The following EMCN variants were observed in gnomAD, a reference collection of about 807,000 sequenced individuals.
EMCN encodes MUC-14.
A neutral mutation model predicts 38.4 loss-of-function variants in EMCN; 37 were observed. That is an observed-to-expected ratio of 0.96 (90% CI 0.74 to 1.27). The LOEUF (loss-of-function observed/expected upper bound fraction) is 1.27, where lower values mean the gene tolerates loss of function less well. Among genes scored for constraint, EMCN ranks in the 50% most tolerant of loss-of-function variants. The pLI, the probability that EMCN is intolerant of heterozygous loss-of-function variation, is 0.00. For synonymous variants in EMCN, 95 were observed against 100.8 expected (o/e 0.94, Z 0.35); for missense variants, 318 against 302.8 (o/e 1.05, Z -0.37).
chr4:100,446,039 A>G (rs1223034751), intron 5 of EMCN: 2 of 983,482 alleles, frequency 2.0e-6, no homozygotes, highest in Non-Finnish European at 2.4e-6. Flanking sequence ...ATTTATTTAA[A>G]CAAAATGAAG....
At chr4:100,446,430 A>T (rs1396273265) in intron 5 of EMCN, among the ~76,000 whole-genome samples, 2 of 152,146 alleles carry the variant, frequency 1.3e-5, no homozygotes, top group Non-Finnish European at 2.9e-5. Flanking sequence ...TGAACACAAG[A>T]GGTAGAAGTT....
At chr4:100,471,380 C>T (rs1046941340) in intron 3 of EMCN, among the ~76,000 whole-genome samples, 1 of 151,678 alleles carries the variant, frequency 6.6e-6, no homozygotes, top group African/African-American at 2.4e-5. Flanking sequence ...TCACTAACTA[C>T]AAAAACTGAG....
At chr4:100,473,373 GTTTTTTTTTTTT>G (rs1235846597) in intron 3 of EMCN, among the ~76,000 whole-genome samples, 1 of 65,984 alleles carries the variant, frequency 1.5e-5, no homozygotes, top group African/African-American at 4.6e-5. Context: ...GTGTTTTTTT[GTTTTTTTTTTTT>G]GTTTTTTTTT....
chr4:100,432,073 C>T (rs1727219547), intron 5 of EMCN, among the ~76,000 whole-genome samples: 1 of 152,074 alleles, frequency 6.6e-6, no homozygotes, highest in Admixed American at 6.6e-5. Flanking sequence ...TCCATGATTG[C>T]TTAAAATTGT....
At chr4:100,479,858 T>C (rs34509011) in intron 2 of EMCN, 59 bp downstream of exon 2, 43,461 of 1,409,574 alleles carry the variant, frequency 0.031, 779 homozygotes, top group Non-Finnish European at 0.037. Flanking sequence ...CTGATGTATA[T>C]ACATACTACT....
chr4:100,445,637 C>T (rs1221031823), intron 5 of EMCN, among the ~76,000 whole-genome samples: 2 of 152,036 alleles, frequency 1.3e-5, no homozygotes, highest in East Asian at 1.9e-4. Context: ...TGCCTTTAAT[C>T]GCATGGATGA....
In EMCN at chr4:100,487,358, A is replaced by T. The variant is rs1486172311; in HGVS notation, c.65-7319T>A. ...CAATCAAGTCTCTTGGATCCATCTC[A>T]TGACTTCAGACAAGGGATCACTTTG... On this transcript the variant is annotated intron_variant, in intron 1 of 11. Transcript: ENST00000296420. Among the ~76,000 whole-genome samples, 6 of 152,110 alleles carry T rather than the reference A, an allele frequency of 3.9e-5. No homozygotes were observed. In the East Asian group the frequency reaches 1.2e-3, roughly 29 times the overall value.
chr4:100,489,889 T>G (rs1391877773), intron 1 of EMCN, among the ~76,000 whole-genome samples: 1 of 152,214 alleles, frequency 6.6e-6, no homozygotes, highest in African/African-American at 2.4e-5. Flanking sequence ...CGTTGGATAC[T>G]GAAACACAAC....
At chr4:100,453,468 T>C (rs1413451508) in intron 4 of EMCN, among the ~76,000 whole-genome samples, 1 of 152,040 alleles carries the variant, frequency 6.6e-6, no homozygotes, top group African/African-American at 2.4e-5. Context: ...AAAACCACAA[T>C]GAGATACCAT....
At chr4:100,504,700 C>T (rs532583732) in intron 1 of EMCN, among the ~76,000 whole-genome samples, 2 of 152,218 alleles carry the variant, frequency 1.3e-5, no homozygotes, top group African/African-American at 4.8e-5. Flanking sequence ...TCTGGGAAGA[C>T]GCCTTTTGCC....
At chr4:100,506,095 T>C (rs1413187903) in intron 1 of EMCN, among the ~76,000 whole-genome samples, 2 of 152,230 alleles carry the variant, frequency 1.3e-5, no homozygotes, top group Non-Finnish European at 2.9e-5. Context: ...TCTATGTTTT[T>C]TAAATCATTT....
intron 5 of EMCN, among the ~76,000 whole-genome samples, chr4:100,434,805 G>T (rs1230831752): frequency 6.6e-6 from 1 of 152,086 alleles, no homozygotes; most frequent in Non-Finnish European, 1.5e-5. Context: ...TGCAGAAAAG[G>T]CCTTCAATAA....
intron 1 of EMCN, among the ~76,000 whole-genome samples, chr4:100,494,633 C>G (rs528758951): frequency 6.6e-6 from 1 of 152,114 alleles, no homozygotes; most frequent in South Asian, 2.1e-4. Context: ...CAGATGAGGA[C>G]AGAAATGATA....
intron 1 of EMCN, among the ~76,000 whole-genome samples, chr4:100,514,023 A>G (rs1466298051): frequency 6.6e-6 from 1 of 152,130 alleles, no homozygotes; most frequent in East Asian, 1.9e-4. Flanking sequence ...GAAGAAGGAT[A>G]AATTGCTTCT....
chr4:100,464,344 T>C (rs779621064), intron 4 of EMCN, among the ~76,000 whole-genome samples: 1 of 152,008 alleles, frequency 6.6e-6, no homozygotes, highest in East Asian at 1.9e-4. Context: ...TAATAAAAAA[T>C]GCTTTATTTC....
chr4:100,479,488 A>T (rs887182784), intron 2 of EMCN, among the ~76,000 whole-genome samples: 10 of 152,148 alleles, frequency 6.6e-5, no homozygotes, highest in African/African-American at 2.4e-4. Flanking sequence ...TTACATTGCT[A>T]CTGAAACCTA....
At position 100,396,771 on chromosome 4, in the gene EMCN, ATT is replaced by A. The variant is rs112212346; in HGVS notation, c.*1640_*1641del. The A allele has an allele frequency of 1.5e-3, 217 of 144,008 alleles. 1 individual carries two copies. Among genetic ancestry groups the A allele is most frequent in the African/African-American group, 5.1e-3 (204 of 39,678 alleles). 8.9% of individuals were successfully genotyped at this position (144,008 alleles called of 1,614,324 possible). ...TTGGCCAGGCTAGTCTCAAACTCAGATTTTTTTTTTTTCTGAAGACAAATGCT... is the reference window on the plus strand; with the variant it reads ...TTGGCCAGGCTAGTCTCAAACTCAGATTTTTTTTTTCTGAAGACAAATGCT... On this transcript the variant is annotated 3_prime_UTR_variant, in exon 12 of 12. Transcript: ENST00000296420.
chr4:100,507,815 C>T (rs1729522597), intron 1 of EMCN, among the ~76,000 whole-genome samples: 1 of 152,076 alleles, frequency 6.6e-6, no homozygotes, highest in African/African-American at 2.4e-5. Context: ...TAGCCCCACG[C>T]CTAACAAATA....
In EMCN at chr4:100,452,156, G is replaced by A. The variant is rs140855191; in HGVS notation, c.377-4585C>T. 9.2e-5 allele frequency among the ~76,000 whole-genome samples: 14 copies of A among 152,124 alleles called. No homozygotes were observed. The East Asian group carries it at 2.5e-3, about 27-fold the overall frequency. ...AGACCTGGGTGTTGGTCACTCTCATGTCCAGCTAGTAGCTTATCTAAAATG... is the reference window on the plus strand; with the variant it reads ...AGACCTGGGTGTTGGTCACTCTCATATCCAGCTAGTAGCTTATCTAAAATG... On this transcript the variant is annotated intron_variant, in intron 4 of 11. Transcript: ENST00000296420.
Sources: allele counts gnomAD v4.1 joint callset (sites outside exome capture counted in the v4.1 genomes callset), GRCh38; gene constraint gnomAD v4.1.1; transcripts MANE v1.5; gene names NCBI Gene and HGNC (gene_info 2026-07-23, HGNC 2026-07-21).